SYNJ2: variants seen among roughly 807,000 people sequenced by gnomAD.
SYNJ2 encodes the protein synaptojanin 2, also known as polyphosphatidylinositol phosphatase SYNJ2.
SYNJ2 carries 116 observed loss-of-function variants against 141.3 expected under a neutral mutation model. The observed-to-expected ratio is 0.82, with a 90% confidence interval of 0.71 to 0.96. The LOEUF is 0.96. SYNJ2 is among the 40% of genes least tolerant of loss of function. The pLI is 0.00. For missense variants in SYNJ2, 1,873 were observed against 1,934.8 expected, an observed-to-expected ratio of 0.97 and a Z score of 0.60; for synonymous variants, 745 against 777.7, an observed-to-expected ratio of 0.96 and a Z score of 0.70.
At position 158,029,394 on chromosome 6, in the gene SYNJ2, CAA is replaced by C. The variant is rs59043421; in HGVS notation, c.485+388_485+389del. On this transcript the variant is annotated intron_variant, in intron 3 of 26. Transcript: ENST00000355585. ...TGAAAGCCCATCTCTACTAAAAATA[CAA>C]AAAAAAAAAAAAAAAAAAATTAGCT... 182 of 92,584 alleles carry C rather than the reference CAA, an allele frequency of 2.0e-3. 2 individuals carry two copies. Among genetic ancestry groups the C allele is most frequent in the African/African-American group, 5.7e-3 (150 of 26,320 alleles). 5.7% of individuals were successfully genotyped at this position (92,584 alleles called of 1,614,324 possible).
chr6:158,006,974 G>T (rs1420632603), intron 1 of SYNJ2, among the ~76,000 whole-genome samples: 3 of 151,298 alleles, frequency 2.0e-5, no homozygotes, highest in Admixed American at 1.3e-4. Flanking sequence ...GCACCGATCT[G>T]TTTATTTTTG....
At chr6:158,009,009 T>C (rs1697554480) in intron 1 of SYNJ2, among the ~76,000 whole-genome samples, 1 of 151,944 alleles carries the variant, frequency 6.6e-6, no homozygotes, top group Non-Finnish European at 1.5e-5. Context: ...TGGTCAGGAG[T>C]GCTTCTGCCG....
chr6:158,016,384 G>A (rs1047660167), intron 1 of SYNJ2, among the ~76,000 whole-genome samples: 2 of 152,188 alleles, frequency 1.3e-5, no homozygotes, highest in African/African-American at 4.8e-5. Context: ...AAAGTGCTGG[G>A]GTTACAGGTT....
intron 1 of SYNJ2, among the ~76,000 whole-genome samples, chr6:158,015,753 C>T (rs998989375): frequency 3.3e-5 from 5 of 152,182 alleles, no homozygotes; most frequent in Admixed American, 2.6e-4. Flanking sequence ...TGATAAGGCA[C>T]ATATATTGCT....
chr6:158,017,752 G>A (rs958836558), intron 2 of SYNJ2: 1 of 532,266 alleles, frequency 1.9e-6, no homozygotes, highest in South Asian at 1.4e-5. Context: ...TTTATGCCTC[G>A]GGACCTGCTC....
intron 2 of SYNJ2, among the ~76,000 whole-genome samples, chr6:158,026,707 C>T (rs998603358): frequency 2.2e-4 from 33 of 152,358 alleles, no homozygotes; most frequent in Admixed American, 1.9e-3. Context: ...GAAATCAGCT[C>T]ATGACTCTCA....
intron 1 of SYNJ2, among the ~76,000 whole-genome samples, chr6:158,009,825 C>T (rs1433909608): frequency 6.6e-6 from 1 of 152,360 alleles, no homozygotes; most frequent in Non-Finnish European, 1.5e-5. Context: ...GGAAACACTG[C>T]AGCCTGGCAC....
chr6:158,031,661 C>T (rs1302249036), intron 3 of SYNJ2, among the ~76,000 whole-genome samples: 2 of 151,838 alleles, frequency 1.3e-5, no homozygotes, highest in Admixed American at 6.5e-5. Flanking sequence ...ATGGGGTCAA[C>T]GCTCAGCGTG....
chr6:158,007,004 C>T (rs1417555533), intron 1 of SYNJ2, among the ~76,000 whole-genome samples: 1 of 151,980 alleles, frequency 6.6e-6, no homozygotes, highest in Non-Finnish European at 1.5e-5. Context: ...CTCACTCTGT[C>T]AACCAGGCTG....
chr6:158,061,306 C>T (rs1781202909), intron 7 of SYNJ2, among the ~76,000 whole-genome samples: 1 of 152,212 alleles, frequency 6.6e-6, no homozygotes, highest in Non-Finnish European at 1.5e-5. Context: ...GTTTGTCCTT[C>T]ATCACGGGGC....
At chr6:158,046,029 A>C (rs1426236856) in intron 5 of SYNJ2, among the ~76,000 whole-genome samples, 1 of 152,022 alleles carries the variant, frequency 6.6e-6, no homozygotes, top group East Asian at 1.9e-4. Context: ...TGCAACCTCC[A>C]CTTCCTGGGT....
At chr6:158,032,271 C>T (rs532329904) in intron 3 of SYNJ2, among the ~76,000 whole-genome samples, 1 of 152,246 alleles carries the variant, frequency 6.6e-6, no homozygotes, top group South Asian at 2.1e-4. Context: ...CCCCTGGGAC[C>T]CATCAGAGCT....
At chr6:158,017,711 G>A (rs1778541150) in intron 2 of SYNJ2, 1 of 524,958 alleles carries the variant, frequency 1.9e-6, no homozygotes. Context: ...CGCCGTGCCT[G>A]GCCGACCTCT....
intron 4 of SYNJ2, among the ~76,000 whole-genome samples, chr6:158,035,487 T>G (rs1050876006): frequency 6.6e-6 from 1 of 152,148 alleles, no homozygotes; most frequent in Non-Finnish European, 1.5e-5. Context: ...TTGACTGTTG[T>G]TGGTGTATTG....
At chr6:158,023,963 C>G (rs1778907002) in intron 2 of SYNJ2, among the ~76,000 whole-genome samples, 1 of 152,186 alleles carries the variant, frequency 6.6e-6, no homozygotes, top group Non-Finnish European at 1.5e-5. Flanking sequence ...GAAGCCCTTT[C>G]CATTCCCATC....
intron 5 of SYNJ2, among the ~76,000 whole-genome samples, chr6:158,050,237 G>A (rs1265979959): frequency 6.6e-6 from 1 of 152,252 alleles, no homozygotes; most frequent in African/African-American, 2.4e-5. Flanking sequence ...GGAATCTCCT[G>A]GAGGGCTTGT....
chr6:158,046,163 T>A (rs1284736857), intron 5 of SYNJ2, among the ~76,000 whole-genome samples: 2 of 151,992 alleles, frequency 1.3e-5, no homozygotes, highest in African/African-American at 4.8e-5. Flanking sequence ...CCAGGCTGGT[T>A]TTGAACTTCT....
chr6:158,061,434 A>G (rs1390580715), intron 7 of SYNJ2, among the ~76,000 whole-genome samples: 1 of 152,060 alleles, frequency 6.6e-6, no homozygotes, highest in Non-Finnish European at 1.5e-5. Context: ...ATCTCTCCCC[A>G]CCTTCACTCT....
At chr6:157,995,296 T>A (rs1015778614) in intron 1 of SYNJ2, among the ~76,000 whole-genome samples, 5 of 152,152 alleles carry the variant, frequency 3.3e-5, no homozygotes, top group Non-Finnish European at 7.4e-5. Flanking sequence ...GCTGAGAGCG[T>A]CTCAGAATTT....
Sources: allele counts gnomAD v4.1 joint callset (sites outside exome capture counted in the v4.1 genomes callset), GRCh38; gene constraint gnomAD v4.1.1; transcripts MANE v1.5; gene names NCBI Gene and HGNC (gene_info 2026-07-23, HGNC 2026-07-21).